The following SYT12 variants were observed in gnomAD, a reference collection of about 807,000 sequenced individuals.
SYT12 encodes the protein synaptotagmin-12.
Under a neutral mutation model 39.5 loss-of-function variants are expected in SYT12, and 27 were observed. The observed-to-expected ratio is 0.68, with a 90% confidence interval of 0.50 to 0.94. The LOEUF is 0.94. Ranked by LOEUF, SYT12 falls within the 40% of genes least tolerant of loss-of-function variation. SYT12 has a pLI of 0.00. For missense variants in SYT12, 536 were observed against 572.6 expected (o/e 0.94, Z 0.65); for synonymous variants, 233 against 239.7 (o/e 0.97, Z 0.26).
chr11:67,048,803 A>T lies in SYT12; in HGVS notation c.*46A>T. ...GGCAATGGAGCTGCTGGAGCCCGGT[A>T]CCCACTCAGCTCTGTCTGATGCCCT... On this transcript the variant is annotated 3_prime_UTR_variant, in exon 8 of 8. Coordinates refer to ENST00000527043, the MANE Select transcript of SYT12 (RefSeq NM_177963.4). The T allele has an allele frequency of 6.4e-7, 1 of 1,569,140 alleles. No homozygotes were observed.
intron 4 of SYT12, among the ~76,000 whole-genome samples, chr11:67,042,653 A>T (rs1436756711): frequency 1.3e-5 from 2 of 152,174 alleles, no homozygotes; most frequent in Non-Finnish European, 2.9e-5. Context: ...CCCCATGAGC[A>T]GGGGACAGCT....
At chr11:67,020,820 C>T (rs1950101984), upstream of SYT12, among the ~76,000 whole-genome samples, 1 of 152,178 alleles carries the variant, frequency 6.6e-6, no homozygotes. Context: ...CCTCCACCTC[C>T]TGGGTTCAAG....
intron 3 of SYT12, among the ~76,000 whole-genome samples, chr11:67,015,535 C>T (rs1383163924): frequency 1.3e-5 from 2 of 152,132 alleles, no homozygotes; most frequent in Admixed American, 6.5e-5. Flanking sequence ...GAAGGGCTTT[C>T]TCTCCTCGGG....
In SYT12 at chr11:67,048,711, C is replaced by A. The variant is rs201343190; in HGVS notation, c.1220C>A (p.Thr407Lys). ...ACACATTGGAACCAGATGTTGGCCA[C>A]GCTGCGCAGGCCCGTGTCCATGTGG... ...GTTHWNQMLA[T>K]LRRPVSMWHA... The change falls in exon 8 of 8, where the codon ACG becomes AAG. Residue 407 changes from threonine to lysine, a missense_variant. By Grantham distance (78) the Thr-to-Lys change is moderately conservative. Transcript: ENST00000527043. 6.2e-7 allele frequency: 1 copy of A among 1,611,050 alleles called. No homozygotes were observed. Among genetic ancestry groups the A allele is most frequent in the Non-Finnish European group, 8.5e-7 (1 of 1,177,702 alleles).
chr11:67,028,643 AAGGGAACCTAC>A (rs1950214310), intron 1 of SYT12: 1 of 152,206 alleles, frequency 6.6e-6, no homozygotes, highest in Non-Finnish European at 1.5e-5. Flanking sequence ...CCCAGTCCCA[AAGGGAACCTAC>A]AGGATGCTCC....
upstream of SYT12, among the ~76,000 whole-genome samples, chr11:67,022,550 C>T (rs1226967467): frequency 6.6e-6 from 1 of 152,242 alleles, no homozygotes; most frequent in East Asian, 1.9e-4. Context: ...CCAGCCCCTG[C>T]GGGGGCGTCA....
In SYT12 at chr11:67,023,354, G is replaced by C. The variant is rs1591355895; in HGVS notation, c.-130G>C. 6.7e-6 allele frequency: 1 copy of C among 148,524 alleles called. No individual in the cohort carries two copies. The highest frequency in any genetic ancestry group is 2.4e-5 in the African/African-American group (1 of 41,022). 9.2% of individuals were successfully genotyped at this position (148,524 alleles called of 1,614,324 possible). ...GCGGGAGCCCGGCGACACTGCAGGG[G>C]TGGCGTTGCCGCCGGCGGCCGGGCT... On this transcript the variant is annotated 5_prime_UTR_variant, in exon 1 of 8. Coordinates refer to ENST00000527043, the MANE Select transcript of SYT12 (RefSeq NM_177963.4).
intron 4 of SYT12, among the ~76,000 whole-genome samples, chr11:67,041,744 A>G (rs1036200283): frequency 2.5e-4 from 38 of 152,204 alleles, no homozygotes; most frequent in African/African-American, 7.7e-4. Flanking sequence ...AATACTGCAG[A>G]GAGGGACTTC....
At chr11:67,040,252 T>G in intron 4 of SYT12, 49 bp downstream of exon 4, 1 of 1,528,892 alleles carries the variant, frequency 6.5e-7, no homozygotes, top group Non-Finnish European at 8.8e-7. Flanking sequence ...GCTCACTAGA[T>G]GCCTCCCAGG....
intron 3 of SYT12, among the ~76,000 whole-genome samples, chr11:67,013,663 G>C (rs1950030979): frequency 6.6e-6 from 1 of 152,192 alleles, no homozygotes; most frequent in African/African-American, 2.4e-5. Flanking sequence ...CTTCTCAGGA[G>C]GTTACAGGCC....
intron 3 of SYT12, among the ~76,000 whole-genome samples, chr11:67,011,145 C>G (rs1487754452): frequency 6.6e-6 from 1 of 152,146 alleles, no homozygotes; most frequent in Non-Finnish European, 1.5e-5. Context: ...GTCATCTGAG[C>G]TCAAGAGTTT....
chr11:67,020,496 T>C (rs1226502441), upstream of SYT12, among the ~76,000 whole-genome samples: 1 of 152,184 alleles, frequency 6.6e-6, no homozygotes, highest in Non-Finnish European at 1.5e-5. Context: ...ATCATCAGTG[T>C]ACAATGCCAT....
rs752163099 is a variant in SYT12 at position 67,044,580 on chromosome 11, G to C, written c.838-13G>C. ...TGGGGAGAAGCCCTCTGAGCCACCT[G>C]TCTGTCCCCCAGGCCGCCGATGCTG... On this transcript the variant is annotated splice_polypyrimidine_tract_variant and intron_variant, in intron 5 of 7. Coordinates refer to ENST00000527043, the MANE Select transcript of SYT12 (RefSeq NM_177963.4). The C allele has an allele frequency of 5.0e-6, 8 of 1,611,252 alleles. No homozygotes were observed. Among genetic ancestry groups the C allele is most frequent in the East Asian group, 2.2e-5 (1 of 44,868 alleles).
intron 3 of SYT12, among the ~76,000 whole-genome samples, chr11:67,039,069 C>T (rs1476473526): frequency 1.3e-5 from 2 of 150,788 alleles, no homozygotes; most frequent in Non-Finnish European, 3.0e-5. Flanking sequence ...TTTGGGAGGC[C>T]GAGGCAGGCA....
At chr11:67,037,030 G>A (rs577769377) in intron 3 of SYT12, among the ~76,000 whole-genome samples, 35 of 152,256 alleles carry the variant, frequency 2.3e-4, no homozygotes, top group African/African-American at 8.2e-4. Context: ...CTGAGATCAC[G>A]CCATTGCACT....
intron 1 of SYT12, among the ~76,000 whole-genome samples, chr11:67,024,109 G>C (rs780077027): frequency 6.6e-6 from 1 of 152,146 alleles, no homozygotes; most frequent in Admixed American, 6.5e-5. Context: ...GGGGCCGGGA[G>C]CCTGGCCTGT....
At chr11:67,031,241 G>A (rs951660296) in intron 2 of SYT12, 1 of 152,300 alleles carries the variant, frequency 6.6e-6, no homozygotes, top group Non-Finnish European at 1.5e-5. Flanking sequence ...TTAGAGAGCT[G>A]ATGGTTGTGC....
At chr11:67,043,574 A>T in intron 4 of SYT12, 64 bp from the exon 5 acceptor site, 1 of 1,501,330 alleles carries the variant, frequency 6.7e-7, no homozygotes, top group Non-Finnish European at 9.2e-7. Context: ...CTCCCTGTCC[A>T]GTGCTGTCTC....
chr11:67,048,864 C>T lies in SYT12; in HGVS notation c.*107C>T. The T allele has an allele frequency of 4.5e-6, 6 of 1,330,762 alleles. No homozygotes were observed. The highest frequency in any genetic ancestry group is 6.1e-6 in the Non-Finnish European group (6 of 980,600). 82.4% of individuals were successfully genotyped at this position (1,330,762 alleles called of 1,614,324 possible). A position where few individuals can be genotyped will look rare whatever the true frequency, so the allele number is the denominator to read the frequency against. ...CAGCTGGAGCCGTGAACACTGGGGTCCCCTGGCAGAGTCCTCATGACCCAT... is the reference window on the plus strand; with the variant it reads ...CAGCTGGAGCCGTGAACACTGGGGTTCCCTGGCAGAGTCCTCATGACCCAT... On this transcript the variant is annotated 3_prime_UTR_variant, in exon 8 of 8. Coordinates refer to ENST00000527043, the MANE Select transcript of SYT12 (RefSeq NM_177963.4).
Sources: gnomAD v4.1 joint callset for allele counts (sites outside exome capture counted in the v4.1 genomes callset) on GRCh38, gnomAD v4.1.1 for gene constraint, MANE v1.5 for transcripts, NCBI Gene and HGNC (gene_info 2026-07-23, HGNC 2026-07-21) for gene names.